Variants in POU6F2 observed in about 807,000 individuals in gnomAD.
POU6F2 encodes POU class 6 homeobox 2, also known as POU domain, class 6, transcription factor 2.
In POU6F2, 31 loss-of-function variants were observed where a neutral mutation model predicts 71.3. The observed-to-expected ratio is 0.43, with a 90% CI of 0.33 to 0.59. The LOEUF (loss-of-function observed/expected upper bound fraction) is 0.59. Ranked by LOEUF, POU6F2 falls within the 20% of genes least tolerant of loss-of-function variation. The pLI is 0.04. For missense variants in POU6F2, 783 were observed against 856.8 expected (o/e 0.91, Z 1.07); for synonymous variants, 347 against 355.7 (o/e 0.98, Z 0.27).
At chr7:39,071,346 C>T (rs1351242485) in intron 1 of POU6F2, among the ~76,000 whole-genome samples, 1 of 151,882 alleles carries the variant, frequency 6.6e-6, no homozygotes, top group Non-Finnish European at 1.5e-5. Context: ...GTAATGCGAG[C>T]TATGGGGAGT....
In POU6F2 at chr7:39,467,604, T is replaced by C. The variant is rs537157825; in HGVS notation, c.*2918T>C. 3 of 152,246 alleles carry C rather than the reference T, an allele frequency of 2.0e-5. No homozygotes were observed. The highest frequency in any genetic ancestry group is 4.4e-5 in the Non-Finnish European group (3 of 68,038). The allele number at this position is 152,246 out of a possible 1,614,324, so 9.4% of individuals were successfully genotyped here. A position where few individuals can be genotyped will look rare whatever the true frequency, so the allele number is the denominator to read the frequency against. ...AGTGGATATTACATTTTACACTTGT[T>C]TATAGATTTTCTTTCTTTTTCAACC... On this transcript the variant is annotated 3_prime_UTR_variant, in exon 10 of 10. Coordinates refer to ENST00000518318, the MANE Select transcript of POU6F2 (RefSeq NM_001370959.1).
At chr7:39,157,942 T>A (rs1792906069) in intron 2 of POU6F2, among the ~76,000 whole-genome samples, 1 of 152,168 alleles carries the variant, frequency 6.6e-6, no homozygotes, top group Non-Finnish European at 1.5e-5. Context: ...TGGAGTAAGA[T>A]GTTTAATATA....
intron 1 of POU6F2, among the ~76,000 whole-genome samples, chr7:39,041,987 C>T (rs746550370): frequency 3.3e-5 from 5 of 151,884 alleles, no homozygotes; most frequent in Non-Finnish European, 7.4e-5. Context: ...ACGTTATGGT[C>T]AGAGTGTTGA....
rs752302361 is a variant in POU6F2 at position 39,339,640 on chromosome 7, A to G, written c.599-2A>G. ...CTCCACATTCGCTTTCTCTCCTTGTAGCTACCTCATCCCTGAACTCCCAGC... is the reference window on the plus strand; with the variant it reads ...CTCCACATTCGCTTTCTCTCCTTGTGGCTACCTCATCCCTGAACTCCCAGC... On this transcript the variant is annotated splice_acceptor_variant, in intron 4 of 9. Coordinates refer to ENST00000518318, the MANE Select transcript of POU6F2 (RefSeq NM_001370959.1). LOFTEE classifies it high-confidence loss of function. 6.3e-7 allele frequency: 1 copy of G among 1,582,234 alleles called. No individual in the cohort carries two copies. The highest frequency in any genetic ancestry group is 8.5e-7 in the Non-Finnish European group (1 of 1,170,542).
intron 2 of POU6F2, among the ~76,000 whole-genome samples, chr7:39,187,338 C>T (rs1168251262): frequency 6.6e-6 from 1 of 152,208 alleles, no homozygotes; most frequent in African/African-American, 2.4e-5. Flanking sequence ...TGTGTCTTCG[C>T]CTGCCTGTTC....
intron 4 of POU6F2, among the ~76,000 whole-genome samples, chr7:39,226,882 G>C (rs1794470208): frequency 6.6e-6 from 1 of 152,144 alleles, no homozygotes; most frequent in Non-Finnish European, 1.5e-5. Context: ...TTTTGAACGG[G>C]AATGAGTTGC....
chr7:39,067,994 G>A (rs1790796081), intron 1 of POU6F2, among the ~76,000 whole-genome samples: 1 of 151,984 alleles, frequency 6.6e-6, no homozygotes, highest in African/African-American at 2.4e-5. Flanking sequence ...AATGGTCCAC[G>A]TTCTTTTAAC....
rs552411779 is a variant in POU6F2, at chr7:39,423,901, G to A, written c.1114-9176G>A. 2.0e-4 allele frequency among the ~76,000 whole-genome samples: 30 copies of A among 152,298 alleles called. No homozygotes were observed. In the East Asian group the frequency reaches 4.6e-3, roughly 24 times the overall value. ...TTAGTTACAGAGAAGGCCAGTCAACGTTGATTCCAACATCGTGCCTGTCTT... is the reference window on the plus strand; with the variant it reads ...TTAGTTACAGAGAAGGCCAGTCAACATTGATTCCAACATCGTGCCTGTCTT... On this transcript the variant is annotated intron_variant, in intron 6 of 9. Coordinates refer to ENST00000518318, the MANE Select transcript of POU6F2 (RefSeq NM_001370959.1).
intron 1 of POU6F2, among the ~76,000 whole-genome samples, chr7:39,016,064 A>AGATATATATTATATATTATATATATT (rs1346848053): frequency 3.9e-4 from 13 of 33,752 alleles, no homozygotes; most frequent in Non-Finnish European, 6.0e-4. Context: ...TATTATATAT[A>AGATATATATTATATATTATATATATT]ATATATAGAT....
intron 8 of POU6F2, among the ~76,000 whole-genome samples, chr7:39,455,594 A>G (rs1307771856): frequency 2.0e-5 from 3 of 152,216 alleles, no homozygotes; most frequent in African/African-American, 7.2e-5. Context: ...AAAGGTGTAT[A>G]TTACTCTCAT....
chr7:39,140,654 G>A (rs1355828297), intron 2 of POU6F2, among the ~76,000 whole-genome samples: 1 of 152,010 alleles, frequency 6.6e-6, no homozygotes, highest in East Asian at 1.9e-4. Context: ...GATAATCCAG[G>A]ATAATCTTCC....
chr7:39,216,124 G>T (rs1584606686), intron 4 of POU6F2, among the ~76,000 whole-genome samples: 1 of 152,354 alleles, frequency 6.6e-6, no homozygotes, highest in Admixed American at 6.5e-5. Context: ...TGCTAGTGGT[G>T]TGGAGGAGGA....
intron 5 of POU6F2, among the ~76,000 whole-genome samples, chr7:39,391,053 TATC>T (rs1228966764): frequency 1.3e-5 from 2 of 152,194 alleles, no homozygotes; most frequent in Non-Finnish European, 2.9e-5. Flanking sequence ...TCTACCAAAA[TATC>T]ATTGCTTGCT....
At chr7:39,283,496 G>A (rs1784600914) in intron 4 of POU6F2, among the ~76,000 whole-genome samples, 1 of 152,070 alleles carries the variant, frequency 6.6e-6, no homozygotes, top group South Asian at 2.1e-4. Flanking sequence ...ATTACTCTAG[G>A]TATCTCATGT....
At chr7:39,254,649 C>T (rs1332051977) in intron 4 of POU6F2, among the ~76,000 whole-genome samples, 1 of 152,154 alleles carries the variant, frequency 6.6e-6, no homozygotes, top group East Asian at 1.9e-4. Context: ...ATAATTTCTC[C>T]TATATTTTTG....
intron 2 of POU6F2, among the ~76,000 whole-genome samples, chr7:39,196,827 T>C (rs190649926): frequency 3.6e-4 from 55 of 152,084 alleles, no homozygotes; most frequent in Non-Finnish European, 6.8e-4. Flanking sequence ...CAGTTTCAAG[T>C]GCAGGGACAA....
chr7:39,370,272 T>A (rs1161083965), intron 5 of POU6F2, among the ~76,000 whole-genome samples: 2 of 152,192 alleles, frequency 1.3e-5, no homozygotes, highest in African/African-American at 4.8e-5. Flanking sequence ...TCATTTTTAC[T>A]GATACAGATT....
intron 5 of POU6F2, among the ~76,000 whole-genome samples, chr7:39,346,102 A>G (rs1786028410): frequency 1.3e-5 from 2 of 152,222 alleles, no homozygotes; most frequent in African/African-American, 4.8e-5. Flanking sequence ...AATCTCCTTT[A>G]AAAAACTCTC....
chr7:39,010,826 G>T (rs1335852917), intron 1 of POU6F2, among the ~76,000 whole-genome samples: 50 of 150,296 alleles, frequency 3.3e-4, no homozygotes, highest in Non-Finnish European at 1.0e-4. Flanking sequence ...CCATGTAGTT[G>T]AGTGGTTTTG....
Sources: gnomAD v4.1 joint callset for allele counts (sites outside exome capture counted in the v4.1 genomes callset) on GRCh38, gnomAD v4.1.1 for gene constraint, MANE v1.5 for transcripts, NCBI Gene and HGNC (gene_info 2026-07-23, HGNC 2026-07-21) for gene names.